AGBL4: variants seen among roughly 807,000 people sequenced by gnomAD.
The protein encoded by AGBL4 is cytosolic carboxypeptidase 6.
AGBL4 carries 58 observed loss-of-function variants against 66.4 expected under a neutral mutation model. The ratio of observed to expected loss-of-function variants is 0.87; its 90% CI spans 0.71 to 1.09. AGBL4 has a LOEUF of 1.09. AGBL4 is among the 50% of genes least tolerant of loss of function. The probability of loss-of-function intolerance (pLI) is 0.00; values close to 1 mark genes in which losing one functional copy is unlikely to be tolerated. For synonymous variants in AGBL4, 234 were observed against 222.9 expected, an observed-to-expected ratio of 1.05 and a Z score of -0.44; for missense variants, 579 against 631.0, an observed-to-expected ratio of 0.92 and a Z score of 0.88.
chr1:49,375,991 C>CA (rs1185990952), intron 3 of AGBL4, among the ~76,000 whole-genome samples: 1 of 152,052 alleles, frequency 6.6e-6, no homozygotes, highest in Non-Finnish European at 1.5e-5. Flanking sequence ...CTTTCTAAAA[C>CA]AAAAAATCTG....
At chr1:49,805,158 A>G (rs1304800495) in intron 2 of AGBL4, among the ~76,000 whole-genome samples, 4 of 152,212 alleles carry the variant, frequency 2.6e-5, no homozygotes, top group African/African-American at 9.6e-5. Flanking sequence ...GAGAAGGAAA[A>G]CAAGGGAGTT....
intron 5 of AGBL4, among the ~76,000 whole-genome samples, chr1:48,975,066 A>T (rs181349496): frequency 6.6e-6 from 1 of 152,264 alleles, no homozygotes; most frequent in East Asian, 1.9e-4. Context: ...TAAAAGACAC[A>T]GAATGTGAGA....
intron 9 of AGBL4, among the ~76,000 whole-genome samples, chr1:48,597,612 TCAAAAA>T (rs1645012760): frequency 2.0e-5 from 3 of 149,024 alleles, no homozygotes; most frequent in African/African-American, 7.5e-5. Context: ...AAATTGTCTT[TCAAAAA>T]GGAAATGGAG....
chr1:49,906,457 C>T (rs1650285940), intron 1 of AGBL4, among the ~76,000 whole-genome samples: 2 of 151,988 alleles, frequency 1.3e-5, no homozygotes, highest in Non-Finnish European at 1.5e-5. Context: ...TTTCCAGTTA[C>T]ACAACTATTC....
intron 6 of AGBL4, chr1:48,817,874 T>G: frequency 3.3e-6 from 2 of 607,584 alleles, no homozygotes; most frequent in Non-Finnish European, 5.8e-6. Flanking sequence ...TTTGTGTGCT[T>G]GCAGATGCAC....
At chr1:48,599,355 AT>A (rs772955462) in intron 9 of AGBL4, among the ~76,000 whole-genome samples, 128 of 152,346 alleles carry the variant, frequency 8.4e-4, no homozygotes, top group Non-Finnish European at 1.2e-3. Flanking sequence ...ACCTTTGTAT[AT>A]GACTGGCAGC....
At chr1:49,535,177 A>G (rs912995099) in intron 3 of AGBL4, among the ~76,000 whole-genome samples, 1 of 152,144 alleles carries the variant, frequency 6.6e-6, no homozygotes, top group Non-Finnish European at 1.5e-5. Context: ...CCAAGTGCAG[A>G]GAATAACTTT....
intron 5 of AGBL4, among the ~76,000 whole-genome samples, chr1:48,910,208 C>G (rs901601755): frequency 6.6e-6 from 1 of 152,154 alleles, no homozygotes; most frequent in African/African-American, 2.4e-5. Context: ...GAAAGGCAAC[C>G]CTGACTATAT....
intron 9 of AGBL4, among the ~76,000 whole-genome samples, chr1:48,612,751 G>GT (rs1346854004): frequency 2.6e-5 from 4 of 152,168 alleles, no homozygotes; most frequent in African/African-American, 9.7e-5. Context: ...TTTTTCTTAA[G>GT]TTTAAAAGAA....
intron 7 of AGBL4, among the ~76,000 whole-genome samples, chr1:48,660,459 G>T (rs1646089343): frequency 6.6e-6 from 1 of 152,224 alleles, no homozygotes. Flanking sequence ...ATCCCCAGAA[G>T]AAGGTGGGCT....
At chr1:49,845,979 A>T in intron 2 of AGBL4, 1 of 1,578,296 alleles carries the variant, frequency 6.3e-7, no homozygotes, top group Non-Finnish European at 8.7e-7. Context: ...CATCAGCGAA[A>T]CCACACTGAG....
chr1:48,707,831 G>C (rs1430946415), intron 6 of AGBL4, among the ~76,000 whole-genome samples: 1 of 152,172 alleles, frequency 6.6e-6, no homozygotes, highest in Non-Finnish European at 1.5e-5. Context: ...TCACATGCCT[G>C]ACCGGGGTGA....
At chr1:48,762,936 C>T (rs1644350540) in intron 6 of AGBL4, among the ~76,000 whole-genome samples, 1 of 152,014 alleles carries the variant, frequency 6.6e-6, no homozygotes, top group African/African-American at 2.4e-5. Context: ...CAAGTCTCTC[C>T]TCATAATGGA....
At chr1:49,659,030 A>T (rs994745021) in intron 3 of AGBL4, among the ~76,000 whole-genome samples, 25 of 152,092 alleles carry the variant, frequency 1.6e-4, no homozygotes, top group African/African-American at 5.8e-4. Context: ...AAGAAAAAAA[A>T]TTTTCAACCT....
chr1:48,703,952 A>G (rs911766486), intron 6 of AGBL4, among the ~76,000 whole-genome samples: 5 of 152,248 alleles, frequency 3.3e-5, no homozygotes, highest in African/African-American at 9.6e-5. Flanking sequence ...AGGCAATTGC[A>G]TGGTTGTACG....
intron 5 of AGBL4, among the ~76,000 whole-genome samples, chr1:48,980,860 C>G (rs1446498418): frequency 6.6e-6 from 1 of 150,616 alleles, no homozygotes; most frequent in African/African-American, 2.4e-5. Flanking sequence ...TATCTGAGCC[C>G]TCAAGTAGCT....
chr1:49,308,621 A>C (rs1382640341), intron 3 of AGBL4, among the ~76,000 whole-genome samples: 1 of 152,182 alleles, frequency 6.6e-6, no homozygotes, highest in East Asian at 1.9e-4. Flanking sequence ...TATACCAGAC[A>C]AAGGACTGAT....
At chr1:49,450,677 C>T (rs1438961007) in intron 3 of AGBL4, among the ~76,000 whole-genome samples, 2 of 151,968 alleles carry the variant, frequency 1.3e-5, no homozygotes, top group East Asian at 1.9e-4. Flanking sequence ...AATTTGGCTG[C>T]CACCATAAAG....
chr1:48,632,600 G>A (rs1645610308), intron 9 of AGBL4, among the ~76,000 whole-genome samples: 1 of 151,988 alleles, frequency 6.6e-6, no homozygotes, highest in South Asian at 2.1e-4. Context: ...TGTTTGTTTG[G>A]TTTGTTTTTT....
Sources: gnomAD v4.1 joint callset for allele counts (sites outside exome capture counted in the v4.1 genomes callset) on GRCh38, gnomAD v4.1.1 for gene constraint, MANE v1.5 for transcripts, NCBI Gene and HGNC (gene_info 2026-07-23, HGNC 2026-07-21) for gene names.